FBXL17: variants seen among roughly 807,000 people sequenced by gnomAD.
The protein encoded by FBXL17 is F-box and leucine rich repeat protein 17.
In FBXL17, 22 loss-of-function variants were observed where a neutral mutation model predicts 66.2. The observed-to-expected ratio is 0.33, with a 90% CI of 0.24 to 0.47. The LOEUF (loss-of-function observed/expected upper bound fraction) is 0.47, where lower values mean the gene tolerates loss of function less well. Among genes scored for constraint, FBXL17 ranks in the 20% least tolerant of loss-of-function variants. The pLI is 1.00. For synonymous variants in FBXL17, 474 were observed against 400.5 expected (o/e 1.18, Z -2.19); for missense variants, 878 against 948.2 (o/e 0.93, Z 0.97).
At chr5:108,075,771 C>G (rs1748521802) in intron 6 of FBXL17, among the ~76,000 whole-genome samples, 1 of 152,226 alleles carries the variant, frequency 6.6e-6, no homozygotes, top group Non-Finnish European at 1.5e-5. Context: ...GCCACCGCAT[C>G]TGACCCCAAC....
intron 7 of FBXL17, among the ~76,000 whole-genome samples, chr5:107,949,961 ATTTCCATG>A (rs1356144315): frequency 6.6e-6 from 1 of 152,152 alleles, no homozygotes; most frequent in African/African-American, 2.4e-5. Flanking sequence ...CCACCTCGTA[ATTTCCATG>A]TTTCCATCTC....
chr5:108,225,781 T>A (rs1755075427), intron 4 of FBXL17, among the ~76,000 whole-genome samples: 1 of 152,146 alleles, frequency 6.6e-6, no homozygotes, highest in Non-Finnish European at 1.5e-5. Context: ...GTAATCAAGG[T>A]TTTGTCCCTC....
At chr5:107,871,995 T>C (rs560047954) in intron 8 of FBXL17, among the ~76,000 whole-genome samples, 1 of 152,318 alleles carries the variant, frequency 6.6e-6, no homozygotes, top group South Asian at 2.1e-4. Flanking sequence ...GTAGTGGTAA[T>C]CAGCAAGTGC....
chr5:108,054,937 T>TCTCCAC (rs1747628540), intron 6 of FBXL17, among the ~76,000 whole-genome samples: 1 of 152,154 alleles, frequency 6.6e-6, no homozygotes, highest in Non-Finnish European at 1.5e-5. Context: ...TGTCTGGGAT[T>TCTCCAC]TTAGCAGTAC....
intron 3 of FBXL17, among the ~76,000 whole-genome samples, chr5:108,364,331 A>G (rs973359078): frequency 2.0e-5 from 3 of 151,940 alleles, no homozygotes; most frequent in African/African-American, 7.3e-5. Context: ...ATAATCTTCA[A>G]TTTGGACGTC....
At chr5:108,200,621 A>T (rs1753852083) in intron 5 of FBXL17, among the ~76,000 whole-genome samples, 1 of 152,090 alleles carries the variant, frequency 6.6e-6, no homozygotes, top group Admixed American at 6.6e-5. Flanking sequence ...AGGGCCTCTG[A>T]TAAAACACAA....
chr5:108,026,140 T>G (rs1311229030), intron 6 of FBXL17, among the ~76,000 whole-genome samples: 1 of 152,208 alleles, frequency 6.6e-6, no homozygotes, highest in Non-Finnish European at 1.5e-5. Flanking sequence ...TTGATCTCAG[T>G]CAAAAGGCCA....
chr5:108,206,191 T>A (rs976710928), intron 5 of FBXL17, among the ~76,000 whole-genome samples: 4 of 152,204 alleles, frequency 2.6e-5, no homozygotes, highest in African/African-American at 9.7e-5. Flanking sequence ...TCTTTTCATT[T>A]GTCACTAGAA....
Position 108,264,214 on chromosome 5 carries a change from C to CAAAAAA in FBXL17, c.1507-39992_1507-39987dup, listed in dbSNP as rs35346820. Among the ~76,000 whole-genome samples, 12 of 55,516 alleles carry CAAAAAA rather than the reference C, an allele frequency of 2.2e-4. 1 individual carries two copies. The highest frequency in any genetic ancestry group is 3.8e-4 in the African/African-American group (5 of 13,130). 36.4% of individuals were successfully genotyped at this position (55,516 alleles called of 152,430 possible). A position where few individuals can be genotyped will look rare whatever the true frequency, so the allele number is the denominator to read the frequency against. On this transcript the variant is annotated intron_variant, in intron 4 of 8. Coordinates refer to ENST00000542267, the MANE Select transcript of FBXL17 (RefSeq NM_001163315.3). ...TGGGCGACAGAGTGAGACTCTTTCT[C>CAAAAAA]AAAAAAAAAAAAAAAAAAAAAAAAA...
intron 5 of FBXL17, among the ~76,000 whole-genome samples, chr5:108,207,099 T>C (rs1296426977): frequency 6.6e-6 from 1 of 152,108 alleles, no homozygotes; most frequent in African/African-American, 2.4e-5. Flanking sequence ...AATAGAACAA[T>C]TATAACAATA....
chr5:107,944,369 A>G (rs140930197), intron 7 of FBXL17, among the ~76,000 whole-genome samples: 206 of 152,270 alleles, frequency 1.4e-3, no homozygotes, highest in African/African-American at 4.7e-3. Context: ...AAATTCTTCT[A>G]TGTGTCTGCT....
At chr5:108,229,239 C>T (rs754564875) in intron 4 of FBXL17, among the ~76,000 whole-genome samples, 8 of 151,970 alleles carry the variant, frequency 5.3e-5, no homozygotes, top group South Asian at 2.1e-4. Context: ...AAAAAGAGCA[C>T]GCATAGCCAA....
intron 6 of FBXL17, among the ~76,000 whole-genome samples, chr5:108,180,766 T>C (rs1396779191): frequency 1.3e-5 from 2 of 152,170 alleles, no homozygotes; most frequent in Non-Finnish European, 2.9e-5. Flanking sequence ...TTTGTGACTT[T>C]AGCTACCGGA....
chr5:108,130,167 G>A (rs1335809597), intron 6 of FBXL17, among the ~76,000 whole-genome samples: 4 of 151,346 alleles, frequency 2.6e-5, no homozygotes, highest in Non-Finnish European at 5.9e-5. Flanking sequence ...AATTTTTATC[G>A]TGGGAGAGAA....
chr5:108,317,359 C>G (rs563635085), intron 4 of FBXL17, among the ~76,000 whole-genome samples: 2 of 148,570 alleles, frequency 1.3e-5, no homozygotes, highest in East Asian at 3.9e-4. Flanking sequence ...TAGAAAAGAT[C>G]TGTAATAGTC....
At chr5:108,255,817 G>T (rs1756553324) in intron 4 of FBXL17, among the ~76,000 whole-genome samples, 1 of 152,106 alleles carries the variant, frequency 6.6e-6, no homozygotes, top group Non-Finnish European at 1.5e-5. Flanking sequence ...AGGAAAATTA[G>T]AACTAAAAAT....
chr5:107,880,884 A>G, intron 8 of FBXL17, 153 bp downstream of exon 8: 1 of 1,422,726 alleles, frequency 7.0e-7, no homozygotes, highest in Admixed American at 2.7e-5. Context: ...AAGCAGGCAA[A>G]CAATGCATAG....
chr5:107,918,477 CTT>C (rs1057022852), intron 7 of FBXL17, among the ~76,000 whole-genome samples: 5 of 152,142 alleles, frequency 3.3e-5, no homozygotes, highest in African/African-American at 1.2e-4. Flanking sequence ...AGACAGAAAA[CTT>C]GAGTAGCTTG....
chr5:108,331,076 T>C (rs372411051), intron 4 of FBXL17, among the ~76,000 whole-genome samples: 1 of 152,068 alleles, frequency 6.6e-6, no homozygotes, highest in Admixed American at 6.6e-5. Flanking sequence ...TTCTATATCC[T>C]ACAACCTTAT....
Sources: gnomAD v4.1 joint callset for allele counts (sites outside exome capture counted in the v4.1 genomes callset) on GRCh38, gnomAD v4.1.1 for gene constraint, MANE v1.5 for transcripts, NCBI Gene and HGNC (gene_info 2026-07-23, HGNC 2026-07-21) for gene names.